TNXB: variants seen among roughly 807,000 people sequenced by gnomAD.
The protein encoded by TNXB is tenascin XB.
TNXB carries 183 observed loss-of-function variants against 340.5 expected under a neutral mutation model. The ratio of observed to expected loss-of-function variants is 0.54; its 90% CI spans 0.48 to 0.61. TNXB has a LOEUF of 0.61. Ranked by LOEUF, TNXB falls within the 20% of genes least tolerant of loss-of-function variation. The pLI, the probability that TNXB is intolerant of heterozygous loss-of-function variation, is 0.00. For synonymous variants in TNXB, 2,121 were observed against 2,314.5 expected (o/e 0.92, Z 2.40); for missense variants, 4,613 against 5,446.4 (o/e 0.85, Z 4.82).
At position 32,054,212 on chromosome 6, in the gene TNXB, GC is replaced by G. The variant is rs66660709; in HGVS notation, c.8468-502del. ...CCTCCAGTCCCCAATCCTAGTTTGA[GC>G]CACTGTCACCTCTCACCAGGGCCAC... On this transcript the variant is annotated intron_variant, in intron 24 of 43. Coordinates refer to ENST00000644971, the MANE Select transcript of TNXB (RefSeq NM_001365276.2). Among the ~76,000 whole-genome samples the G allele has an allele frequency of 4.5e-3, 688 of 152,104 alleles. 1 individual carries two copies. The highest frequency in any genetic ancestry group is 0.017 in the East Asian group (89 of 5,172).
intron 23 of TNXB, 83 bp from the exon 24 acceptor site, chr6:32,056,257 C>A: frequency 6.7e-7 from 1 of 1,484,204 alleles, no homozygotes. Flanking sequence ...GAAACCATGG[C>A]CACTACTGGG....
In TNXB at chr6:32,048,419, A is replaced by G; in HGVS notation, c.9989T>C (p.Leu3330Pro). The G allele has an allele frequency of 6.4e-7, 1 of 1,556,174 alleles. No homozygotes were observed. The highest frequency in any genetic ancestry group is 2.3e-5 in the East Asian group (1 of 43,980). The change falls in exon 29 of 44, where the codon CTC (leucine) becomes CCC (proline). Residue 3330 changes from leucine to proline, a missense_variant. Leu to Pro is a moderately conservative substitution (Grantham distance 98, BLOSUM62 -3). Coordinates refer to ENST00000644971, the MANE Select transcript of TNXB (RefSeq NM_001365276.2). ...GCGTTTCCCATTCTGGAGTCCAAAG[A>G]GCAGGAACTTGTACTTGCGGGCCGG... ...LDPARKYKFL[L>P]FGLQNGKRHG...
At position 32,047,858 on chromosome 6, in the gene TNXB, C is replaced by T. The variant is rs563835177; in HGVS notation, c.10200G>A (p.Pro3400=). Residue 3400 remains proline, a synonymous_variant, in exon 30 of 44, where the codon CCG becomes CCA. Coordinates refer to ENST00000644971, the MANE Select transcript of TNXB (RefSeq NM_001365276.2). The surrounding 1 kb of genome is among the most constrained non-coding windows in gnomAD (Gnocchi z 6.2). The part of the protein sequence containing the change: ...KDKDGRLQVV[P]VAANQREVTV... ...TGACCTCCCGCTGGTTGGCTGCCAC[C>T]GGCACCACCTGGAGCCGACCATCCT... 22 of 1,612,128 alleles carry T rather than the reference C, an allele frequency of 1.4e-5. No individual in the cohort carries two copies. Among genetic ancestry groups the T allele is most frequent in the East Asian group, 4.5e-5 (2 of 44,880 alleles).
chr6:32,068,718 A>T lies in TNXB; in HGVS notation c.5903-11T>A. On this transcript the variant is annotated splice_polypyrimidine_tract_variant and intron_variant, in intron 16 of 43. Transcript: ENST00000644971. This position sits in a 1 kb window ranked among gnomAD's most constrained non-coding sequence, Gnocchi z 5.3. ...TCTCCTCCTCCGGGACTGGACAGAG[A>T]CATGGAAAGAGAGGACTGAGGTGGG... The T allele has an allele frequency of 6.2e-7, 1 of 1,610,272 alleles. No homozygotes were observed. Among genetic ancestry groups the T allele is most frequent in the Non-Finnish European group, 8.5e-7 (1 of 1,177,192 alleles).
Position 32,042,774 on chromosome 6 carries a change from T to C in TNXB, c.11983A>G (p.Thr3995Ala). The C allele has an allele frequency of 1.5e-6, 1 of 677,040 alleles. No homozygotes were observed. The highest frequency in any genetic ancestry group is 1.6e-5 in the South Asian group (1 of 62,484). 41.9% of individuals were successfully genotyped at this position (677,040 alleles called of 1,614,324 possible). A position where few individuals can be genotyped will look rare whatever the true frequency, so the allele number is the denominator to read the frequency against. ...SHQLLGLFPS[T>A]SYNARLQAMW... Reference sequence around the variant, plus strand: ...GCCTGGAGCCGTGCATTGTAGGAGGTGGAGGGAAAGAGGCCAAGGAGCTGG... The same window carrying C: ...GCCTGGAGCCGTGCATTGTAGGAGGCGGAGGGAAAGAGGCCAAGGAGCTGG... The change falls in exon 39 of 44, where the codon ACC becomes GCC. Residue 3995 changes from threonine (T) to alanine (A), a missense_variant. Coordinates refer to ENST00000644971, the MANE Select transcript of TNXB (RefSeq NM_001365276.2).
At position 32,069,324 on chromosome 6, in the gene TNXB, T is replaced by C. The variant is rs1466424763; in HGVS notation, c.5588-188A>G. On this transcript the variant is annotated intron_variant, in intron 15 of 43. Transcript: ENST00000644971. This position sits in a 1 kb window ranked among gnomAD's most constrained non-coding sequence, Gnocchi z 6.2. ...GAAATGAAACACAAGAGACTGCGTA[T>C]TGTGATTCCATTACATGGAGAGTCA... Among the ~76,000 whole-genome samples, 4 of 152,240 alleles carry C rather than the reference T, an allele frequency of 2.6e-5. No homozygotes were observed. The highest frequency in any genetic ancestry group is 5.9e-5 in the Non-Finnish European group (4 of 68,048).
At position 32,073,496 on chromosome 6, in the gene TNXB, G is replaced by A; in HGVS notation, c.4681+151C>T. 2 of 663,038 alleles carry A rather than the reference G, an allele frequency of 3.0e-6. No individual in the cohort carries two copies. Among genetic ancestry groups the A allele is most frequent in the Non-Finnish European group, 2.5e-6 (1 of 395,548 alleles). The allele number at this position is 663,038 out of a possible 1,614,324, so 41.1% of individuals were successfully genotyped here. A position where few individuals can be genotyped will look rare whatever the true frequency, so the allele number is the denominator to read the frequency against. On this transcript the variant is annotated intron_variant, in intron 12 of 43. Transcript: ENST00000644971. This position sits in a 1 kb window ranked among gnomAD's most constrained non-coding sequence, Gnocchi z 4.6. The stretch of plus-strand genomic sequence containing the variant: ...GGAGGAGTAAAGGGGTCAGGGAACA[G>A]AAAGACTGGCAGGGTCACCGAGCCA...
At chr6:32,066,444 G>A (rs1375118288) in intron 18 of TNXB, among the ~76,000 whole-genome samples, 1 of 152,158 alleles carries the variant, frequency 6.6e-6, no homozygotes, top group African/African-American at 2.4e-5. Flanking sequence ...AATGTAGTAA[G>A]TATAGTACTT....
chr6:32,088,808 G>C lies in TNXB; in HGVS notation c.2756C>G (p.Pro919Arg), dbSNP rs1779937516. The C allele has an allele frequency of 6.3e-7, 1 of 1,577,390 alleles. No homozygotes were observed. The highest frequency in any genetic ancestry group is 1.3e-5 in the African/African-American group (1 of 74,242). ...TAERGRAVSY[P>R]ASVRANTGSS... ...ACCTGTGTTGGCCCTGACAGAAGCTGGGTAGCTGACTGCCCGGCCCCGCTC... is the reference window on the plus strand; with the variant it reads ...ACCTGTGTTGGCCCTGACAGAAGCTCGGTAGCTGACTGCCCGGCCCCGCTC... Residue 919 changes from proline (P) to arginine (R), a missense_variant, in exon 6 of 44, where the codon CCA (proline) becomes CGA (arginine). Physicochemically the swap from Pro to Arg is moderately radical, Grantham distance 103. Coordinates refer to ENST00000644971, the MANE Select transcript of TNXB (RefSeq NM_001365276.2).
Position 32,050,117 on chromosome 6 carries a change from G to A in TNXB, c.9320C>T (p.Pro3107Leu), listed in dbSNP as rs773247029. The A allele has an allele frequency of 8.1e-6, 13 of 1,613,602 alleles. No individual in the cohort carries two copies. The highest frequency in any genetic ancestry group is 6.7e-5 in the African/African-American group (5 of 74,910). ...GDGQPKAVRV[P>L]GHEDGVTISG... is the part of the protein sequence containing the mutation. ...GATGGTGACCCCGTCCTCGTGCCCCGGCACCCGCACCGCCTTGGGCTGCCC... is the reference window on the plus strand; with the variant it reads ...GATGGTGACCCCGTCCTCGTGCCCCAGCACCCGCACCGCCTTGGGCTGCCC... The change falls in exon 27 of 44, where the codon CCG (proline) becomes CTG (leucine). Residue 3107 changes from proline (P) to leucine (L), a missense_variant. Pro to Leu is a moderately conservative substitution (Grantham distance 98, BLOSUM62 -3). Transcript: ENST00000644971.
Position 32,096,043 on chromosome 6 carries a change from C to A in TNXB, c.1810G>T (p.Val604Leu), listed in dbSNP as rs766924427. The change falls in exon 3 of 44, where the codon GTG becomes TTG. Residue 604 changes from valine to leucine, a missense_variant. Val to Leu is a conservative substitution (Grantham distance 32). Around this residue, in one of 7 missense-constraint regions of TNXB, gnomAD observed 4,327 missense variants for 4,859.4 expected, o/e 0.89. Transcript: ENST00000644971. The part of the protein sequence containing the change: ...CSQHGVCQDG[V>L]CICWEGYVSE... ...ACGTAGCCTTCCCAACAGATGCACACACCGTCCTGGCACACGCCGTGCTGG... is the reference window on the plus strand; with the variant it reads ...ACGTAGCCTTCCCAACAGATGCACAAACCGTCCTGGCACACGCCGTGCTGG... 3 of 1,613,206 alleles carry A rather than the reference C, an allele frequency of 1.9e-6. No individual in the cohort carries two copies. The Admixed American group carries it at 5.0e-5, about 27-fold the overall frequency.
chr6:32,105,991 A>T (rs1405175054), intron 1 of TNXB, among the ~76,000 whole-genome samples: 3 of 152,198 alleles, frequency 2.0e-5, no homozygotes, highest in African/African-American at 7.2e-5. Context: ...TACTAAGATG[A>T]TGTTGAACAA....
At position 32,062,426 on chromosome 6, in the gene TNXB, G is replaced by T. The variant is rs755936032; in HGVS notation, c.6899C>A (p.Pro2300His). The change falls in exon 20 of 44, where the codon CCC becomes CAC. Residue 2300 changes from proline (P) to histidine (H), a missense_variant. Physicochemically the swap from Pro to His is moderately conservative, Grantham distance 77 (BLOSUM62 -2). Transcript: ENST00000644971. This position sits in a 1 kb window ranked among gnomAD's most constrained non-coding sequence, Gnocchi z 4.3. ...PASTEPPTPE[P>H]PIKPRLEELT... ...CTCCTCCAGGCGAGGCTTGATGGGG[G>T]GTTCAGGGGTGGGAGGTTCTGTCGA... The T allele has an allele frequency of 3.1e-6, 5 of 1,612,642 alleles. No homozygotes were observed. Among genetic ancestry groups the T allele is most frequent in the African/African-American group, 1.3e-5 (1 of 74,900 alleles).
rs1343832519 is a variant in TNXB at position 32,096,704 on chromosome 6, G to A, written c.1149C>T (p.Cys383=). Residue 383 remains cysteine, a synonymous_variant, in exon 3 of 44, where the codon TGC becomes TGT. Coordinates refer to ENST00000644971, the MANE Select transcript of TNXB (RefSeq NM_001365276.2). ...CPRDCRGRGR[C]EDGECICDTG... Reference sequence around the variant, plus strand: ...TGTCGCAAATGCATTCGCCGTCCTCGCAGCGCCCGCGGCCCCGGCAGTCCC... The same window carrying A: ...TGTCGCAAATGCATTCGCCGTCCTCACAGCGCCCGCGGCCCCGGCAGTCCC... 2.6e-6 allele frequency: 4 copies of A among 1,550,926 alleles called. No individual in the cohort carries two copies. The highest frequency in any genetic ancestry group is 2.4e-5 in the East Asian group (1 of 41,112).
In TNXB at chr6:32,051,759, G is replaced by C. The variant is rs140561943; in HGVS notation, c.9115+911C>G. 5.3e-4 allele frequency among the ~76,000 whole-genome samples: 80 copies of C among 151,822 alleles called. 1 individual carries two copies. Among genetic ancestry groups the C allele is most frequent in the Middle Eastern group, 3.4e-3 (1 of 294 alleles). Reference sequence around the variant, plus strand: ...ATTGCCACAGAAAATAAAATAAAAAGGAAATTCTGACTGATGCTACGACAT... The same window carrying C: ...ATTGCCACAGAAAATAAAATAAAAACGAAATTCTGACTGATGCTACGACAT... On this transcript the variant is annotated intron_variant, in intron 26 of 43. Transcript: ENST00000644971. This position sits in a 1 kb window ranked among gnomAD's most constrained non-coding sequence, Gnocchi z 4.7.
rs1778802691 is a variant in TNXB, at chr6:32,072,049, A to C, written c.4931T>G (p.Leu1644Arg). 1.2e-6 allele frequency: 2 copies of C among 1,611,958 alleles called. No homozygotes were observed. The highest frequency in any genetic ancestry group is 1.7e-5 in the Admixed American group (1 of 59,968). The change falls in exon 13 of 44, where the codon CTG becomes CGG. Residue 1644 changes from leucine to arginine, a missense_variant. Coordinates refer to ENST00000644971, the MANE Select transcript of TNXB (RefSeq NM_001365276.2). The surrounding 1 kb of genome is among the most constrained non-coding windows in gnomAD (Gnocchi z 4.4). ...DLEPSRKYKF[L>R]LFGIQDGKRR... ...TTTCCCATCCTGGATCCCAAAGAGCAGGAACTTGTACTTGCGGGAGGGTTC... is the reference window on the plus strand; with the variant it reads ...TTTCCCATCCTGGATCCCAAAGAGCCGGAACTTGTACTTGCGGGAGGGTTC...
chr6:32,093,105 GTTTAT>G (rs1780153708), intron 4 of TNXB: 1 of 476,342 alleles, frequency 2.1e-6, no homozygotes, highest in Non-Finnish European at 3.7e-6. Flanking sequence ...TATCTCAAGT[GTTTAT>G]TTTAATTCTT....
Position 32,069,074 on chromosome 6 carries a change from G to C in TNXB, c.5650C>G (p.Leu1884Val). ...APTPPAPEPHLGELTVEEATS... is the reference protein window; with the variant it reads ...APTPPAPEPHVGELTVEEATS... ...GCCTCCTCCACTGTCAACTCCCCGAGGTGGGGCTCAGGCGCTGGAGGGGTC... is the reference window on the plus strand; with the variant it reads ...GCCTCCTCCACTGTCAACTCCCCGACGTGGGGCTCAGGCGCTGGAGGGGTC... Residue 1884 changes from leucine to valine, a missense_variant, in exon 16 of 44, where the codon CTC becomes GTC. Physicochemically the swap from Leu to Val is conservative, Grantham distance 32 (BLOSUM62 1). Transcript: ENST00000644971. The surrounding 1 kb of genome is among the most constrained non-coding windows in gnomAD (Gnocchi z 6.2). 6.2e-7 allele frequency: 1 copy of C among 1,612,788 alleles called. No individual in the cohort carries two copies. Among genetic ancestry groups the C allele is most frequent in the Non-Finnish European group, 8.5e-7 (1 of 1,179,874 alleles).
At position 32,058,247 on chromosome 6, in the gene TNXB, G is replaced by C; in HGVS notation, c.7636C>G (p.Gln2546Glu). The change falls in exon 22 of 44, where the codon CAG (glutamine) becomes GAG (glutamate). Residue 2546 changes from glutamine (Q) to glutamate (E), a missense_variant. By Grantham distance (29) the Gln-to-Glu change is conservative. Transcript: ENST00000644971. This position sits in a 1 kb window ranked among gnomAD's most constrained non-coding sequence, Gnocchi z 5.1. ...ACGGTGAAGGAGTCAAAGCGGCCCT[G>C]GGGGACGGTCCAGGAAAGGCTCAGC... ...DSLSLSWTVP[Q>E]GRFDSFTVQY... The C allele has an allele frequency of 6.2e-7, 1 of 1,612,476 alleles. No individual in the cohort carries two copies. The highest frequency in any genetic ancestry group is 8.5e-7 in the Non-Finnish European group (1 of 1,179,868).
Sources: allele counts gnomAD v4.1 joint callset (sites outside exome capture counted in the v4.1 genomes callset), GRCh38; gene constraint gnomAD v4.1.1; regional missense constraint gnomAD v4.1.1; non-coding constraint Gnocchi (gnomAD v3.1); transcripts MANE v1.5; gene names NCBI Gene and HGNC (gene_info 2026-07-23, HGNC 2026-07-21).